Variants in OXR1 observed in about 807,000 individuals in gnomAD.
The protein encoded by OXR1 is oxidation resistance protein 1.
Under a neutral mutation model 104.6 loss-of-function variants are expected in OXR1, and 41 were observed. That is an observed-to-expected ratio of 0.39 (90% confidence interval 0.31 to 0.51). The LOEUF is 0.51. OXR1 is among the 20% of genes least tolerant of loss of function. The pLI, the probability that OXR1 is intolerant of heterozygous loss-of-function variation, is 0.77. For synonymous variants in OXR1, 348 were observed against 348.4 expected (o/e 1.00, Z 0.01); for missense variants, 955 against 1,031.9 (o/e 0.93, Z 1.02).
chr8:106,584,789 A>C (rs1475792957), intron 3 of OXR1, among the ~76,000 whole-genome samples: 2 of 152,142 alleles, frequency 1.3e-5, no homozygotes, highest in African/African-American at 4.8e-5. Flanking sequence ...GATATCCATA[A>C]GGAAGAAGTG....
intron 10 of OXR1, among the ~76,000 whole-genome samples, chr8:106,712,348 A>T (rs1831784075): frequency 6.6e-6 from 1 of 152,064 alleles, no homozygotes; most frequent in South Asian, 2.1e-4. Context: ...TCCTGTCTCA[A>T]CACCAATCTT....
intron 3 of OXR1, among the ~76,000 whole-genome samples, chr8:106,576,055 TG>T (rs1218654679): frequency 1.3e-5 from 2 of 151,540 alleles, no homozygotes; most frequent in Non-Finnish European, 2.9e-5. Flanking sequence ...AAAATGGTGA[TG>T]TTTTTAATAA....
At chr8:106,711,094 G>A (rs1309891129) in intron 10 of OXR1, among the ~76,000 whole-genome samples, 1 of 152,004 alleles carries the variant, frequency 6.6e-6, no homozygotes, top group Non-Finnish European at 1.5e-5. Flanking sequence ...CTTCCTGAAG[G>A]CAGCTAATGG....
chr8:106,415,575 G>GAA (rs1402659934), intron 2 of OXR1, among the ~76,000 whole-genome samples: 218 of 120,698 alleles, frequency 1.8e-3, no homozygotes, highest in Non-Finnish European at 2.8e-3. Context: ...GAGACTGAGA[G>GAA]AGAGAGAGAG....
chr8:106,573,368 C>CACAT (rs1278555177), intron 3 of OXR1, among the ~76,000 whole-genome samples: 2 of 151,846 alleles, frequency 1.3e-5, no homozygotes, highest in Non-Finnish European at 2.9e-5. Context: ...CACACACACA[C>CACAT]ACACACACAC....
chr8:106,352,732 G>T (rs975713365), intron 1 of OXR1, among the ~76,000 whole-genome samples: 1 of 152,126 alleles, frequency 6.6e-6, no homozygotes, highest in Non-Finnish European at 1.5e-5. Flanking sequence ...AAATAAAGGT[G>T]CAGGTAAAAC....
intron 1 of OXR1, among the ~76,000 whole-genome samples, chr8:106,357,379 A>G (rs1816016992): frequency 6.6e-6 from 1 of 152,154 alleles, no homozygotes. Flanking sequence ...CAAGGACAGG[A>G]TAGACAGCCT....
intron 1 of OXR1, among the ~76,000 whole-genome samples, chr8:106,275,723 G>A (rs896080600): frequency 2.6e-5 from 4 of 152,126 alleles, no homozygotes; most frequent in African/African-American, 9.7e-5. Context: ...CAGCTGGAAG[G>A]AGGGTCATGT....
chr8:106,696,455 G>GT (rs937979876), intron 7 of OXR1, among the ~76,000 whole-genome samples: 4 of 152,242 alleles, frequency 2.6e-5, no homozygotes, highest in African/African-American at 9.6e-5. Flanking sequence ...GTTTTGTGTG[G>GT]TAAGTTTTCA....
At chr8:106,411,845 C>T (rs1285830874) in intron 2 of OXR1, among the ~76,000 whole-genome samples, 1 of 152,112 alleles carries the variant, frequency 6.6e-6, no homozygotes. Context: ...AGTGCTAGGC[C>T]ACTAAAAGTA....
intron 2 of OXR1, among the ~76,000 whole-genome samples, chr8:106,492,829 GT>G (rs1811183029): frequency 6.6e-6 from 1 of 152,150 alleles, no homozygotes; most frequent in Non-Finnish European, 1.5e-5. Context: ...ACCAAATTGT[GT>G]TAAGACTTCA....
intron 2 of OXR1, among the ~76,000 whole-genome samples, chr8:106,414,192 G>A (rs1818577532): frequency 6.6e-6 from 1 of 151,984 alleles, no homozygotes; most frequent in South Asian, 2.1e-4. Flanking sequence ...TTATTTCATG[G>A]TATTAATGCT....
intron 2 of OXR1, among the ~76,000 whole-genome samples, chr8:106,495,827 TTG>T (rs972831370): frequency 2.6e-5 from 4 of 152,270 alleles, no homozygotes; most frequent in Middle Eastern, 6.8e-3. Context: ...AATAAGTAAC[TTG>T]TGTGTTTGTT....
Position 106,436,187 on chromosome 8 carries a change from G to A in OXR1, c.23+76551G>A, listed in dbSNP as rs116204895. 2.9e-3 allele frequency among the ~76,000 whole-genome samples: 445 copies of A among 152,148 alleles called. 4 individuals are homozygous for A. Among genetic ancestry groups the A allele is most frequent in the African/African-American group, 0.01 (418 of 41,530 alleles). ...CCATAGCTACCATTTCATGTCTCCT[G>A]TTTATGTGCCATACAGTCACCTAGA... On this transcript the variant is annotated intron_variant, in intron 2 of 16. Transcript: ENST00000517566.
At chr8:106,746,768 T>C (rs1835429006) in intron 16 of OXR1, among the ~76,000 whole-genome samples, 1 of 152,178 alleles carries the variant, frequency 6.6e-6, no homozygotes, top group Non-Finnish European at 1.5e-5. Flanking sequence ...TCAGCATGTA[T>C]TTACATGGTC....
intron 1 of OXR1, among the ~76,000 whole-genome samples, chr8:106,349,459 G>A (rs2130302124): frequency 6.6e-6 from 1 of 152,132 alleles, no homozygotes; most frequent in South Asian, 2.1e-4. Context: ...ATAAAGAGGA[G>A]AAAGTGACTT....
chr8:106,620,259 C>G (rs551070698), intron 3 of OXR1, among the ~76,000 whole-genome samples: 6 of 151,982 alleles, frequency 3.9e-5, no homozygotes, highest in African/African-American at 1.4e-4. Context: ...CAAATTTTAA[C>G]TTTTTAAAAT....
chr8:106,423,693 C>T (rs1050795609), intron 2 of OXR1, among the ~76,000 whole-genome samples: 1 of 152,134 alleles, frequency 6.6e-6, no homozygotes, highest in Non-Finnish European at 1.5e-5. Flanking sequence ...TTGATTTGTG[C>T]ACGTGGGCAG....
intron 1 of OXR1, among the ~76,000 whole-genome samples, chr8:106,274,518 C>T (rs1461905765): frequency 3.3e-5 from 5 of 151,964 alleles, no homozygotes; most frequent in Non-Finnish European, 7.4e-5. Context: ...TCCAATCACC[C>T]TTACCTATTA....
Sources: allele counts gnomAD v4.1 joint callset (sites outside exome capture counted in the v4.1 genomes callset), GRCh38; gene constraint gnomAD v4.1.1; transcripts MANE v1.5; gene names NCBI Gene and HGNC (gene_info 2026-07-23, HGNC 2026-07-21).